TNS1: variants seen among roughly 807,000 people sequenced by gnomAD.
TNS1 encodes the protein tensin-1.
A neutral mutation model predicts 168.6 loss-of-function variants in TNS1; 62 were observed. The observed-to-expected ratio is 0.37, with a 90% confidence interval of 0.30 to 0.45. The LOEUF (loss-of-function observed/expected upper bound fraction) is 0.45. Among genes scored for constraint, TNS1 ranks in the 20% least tolerant of loss-of-function variants. The pLI is 1.00. For synonymous variants in TNS1, 934 were observed against 933.2 expected, an observed-to-expected ratio of 1.00 and a Z score of -0.02; for missense variants, 2,240 against 2,339.4, an observed-to-expected ratio of 0.96 and a Z score of 0.88.
At position 217,908,874 on chromosome 2, in the gene TNS1, C is replaced by T. The variant is rs185016700; in HGVS notation, c.229-1623G>A. ...CCACTATCCTCCCTGCTGCTAGGTA[C>T]ACCACCTTCTCTCCACTTGGAGTCC... On this transcript the variant is annotated intron_variant, in intron 4 of 32. Transcript: ENST00000682258. Among the ~76,000 whole-genome samples the T allele has an allele frequency of 2.7e-3, 415 of 152,264 alleles. 2 individuals carry two copies. The Middle Eastern group carries it at 0.037, about 14-fold the overall frequency.
chr2:218,024,544 G>A (rs750495402), intron 1 of TNS1, among the ~76,000 whole-genome samples: 1 of 152,172 alleles, frequency 6.6e-6, no homozygotes, highest in Non-Finnish European at 1.5e-5. Flanking sequence ...ACCTCCCACA[G>A]ATGGCCTCAG....
intron 4 of TNS1, among the ~76,000 whole-genome samples, chr2:217,919,656 C>A (rs1955516538): frequency 6.6e-6 from 1 of 152,342 alleles, no homozygotes; most frequent in South Asian, 2.1e-4. Flanking sequence ...GGATCCCACC[C>A]CAGTCCAGGC....
At chr2:218,001,505 G>A (rs1326334483) in intron 1 of TNS1, among the ~76,000 whole-genome samples, 3 of 152,032 alleles carry the variant, frequency 2.0e-5, no homozygotes, top group Admixed American at 6.5e-5. Flanking sequence ...ACCCCTGGAC[G>A]TCTACCTGCC....
intron 16 of TNS1, among the ~76,000 whole-genome samples, chr2:217,883,594 CG>C (rs1182809591): frequency 6.6e-6 from 1 of 152,186 alleles, no homozygotes; most frequent in Non-Finnish European, 1.5e-5. Context: ...TGTCAATTTT[CG>C]ATGGTATCTC....
intron 19 of TNS1, among the ~76,000 whole-genome samples, chr2:217,839,633 A>G (rs949423859): frequency 1.3e-5 from 2 of 152,212 alleles, no homozygotes; most frequent in Middle Eastern, 3.4e-3. Context: ...AGACCGATAC[A>G]TGTACTTTGG....
Position 217,803,382 on chromosome 2 carries a change from C to T in TNS1, c.*1077G>A, listed in dbSNP as rs989041749. ...ATAAGGCTGGTCCAGGGGCATGAAACCCAATAACAAGGCTGAGAGGTGGGA... is the reference window on the plus strand; with the variant it reads ...ATAAGGCTGGTCCAGGGGCATGAAATCCAATAACAAGGCTGAGAGGTGGGA... On this transcript the variant is annotated 3_prime_UTR_variant, in exon 33 of 33. Transcript: ENST00000682258. The T allele has an allele frequency of 6.6e-6, 1 of 152,340 alleles. No homozygotes were observed. The highest frequency in any genetic ancestry group is 1.5e-5 in the Non-Finnish European group (1 of 68,180). 9.4% of individuals were successfully genotyped at this position (152,340 alleles called of 1,614,324 possible).
intron 22 of TNS1, among the ~76,000 whole-genome samples, chr2:217,824,945 C>G (rs1943398141): frequency 6.6e-6 from 1 of 152,184 alleles, no homozygotes; most frequent in Non-Finnish European, 1.5e-5. Context: ...TGGCACACAG[C>G]AGGCCCTCAA....
upstream of TNS1, among the ~76,000 whole-genome samples, chr2:218,014,173 T>C (rs1245531017): frequency 1.3e-5 from 2 of 152,170 alleles, no homozygotes; most frequent in African/African-American, 4.8e-5. Flanking sequence ...GGAGAATCAC[T>C]TGGGCATCTG....
chr2:217,808,069 A>C lies in TNS1; in HGVS notation c.5375+6T>G. ...CTGCTGGGCAGGGGTAAGAAGTCAC[A>C]CTTACTTAGCAGGGGCACCACCCTC... On this transcript the variant is annotated splice_donor_region_variant and intron_variant, in intron 32 of 32. Transcript: ENST00000682258. The C allele has an allele frequency of 2.5e-6, 4 of 1,613,206 alleles. No homozygotes were observed. The highest frequency in any genetic ancestry group is 3.4e-6 in the Non-Finnish European group (4 of 1,179,978).
At chr2:217,931,758 A>G (rs143760412) in intron 3 of TNS1, among the ~76,000 whole-genome samples, 2 of 152,322 alleles carry the variant, frequency 1.3e-5, no homozygotes, top group African/African-American at 4.8e-5. Context: ...AGGGAAGGCT[A>G]CTTGAATTGT....
intron 32 of TNS1, among the ~76,000 whole-genome samples, chr2:217,805,343 C>G (rs1482437404): frequency 6.6e-6 from 1 of 151,812 alleles, no homozygotes; most frequent in East Asian, 1.9e-4. Flanking sequence ...GAAAACCCCT[C>G]TCCCTACCGC....
At chr2:217,926,825 G>A (rs1956053006) in intron 3 of TNS1, among the ~76,000 whole-genome samples, 1 of 152,222 alleles carries the variant, frequency 6.6e-6, no homozygotes, top group African/African-American at 2.4e-5. Flanking sequence ...ACCAGAGAAG[G>A]CACAGCTTCC....
chr2:217,918,237 A>G (rs1348332433), intron 4 of TNS1, among the ~76,000 whole-genome samples: 1 of 152,242 alleles, frequency 6.6e-6, no homozygotes, highest in Admixed American at 6.5e-5. Context: ...TCCATTATGA[A>G]GAAGAGAAAC....
At chr2:217,938,284 A>G (rs1284884855) in intron 3 of TNS1, among the ~76,000 whole-genome samples, 6 of 152,234 alleles carry the variant, frequency 3.9e-5, no homozygotes, top group Non-Finnish European at 8.8e-5. Context: ...TGGAGAATAC[A>G]GCTTGGCAGG....
intron 12 of TNS1, among the ~76,000 whole-genome samples, chr2:217,890,147 C>A (rs1319259752): frequency 6.6e-6 from 1 of 152,194 alleles, no homozygotes; most frequent in African/African-American, 2.4e-5. Flanking sequence ...CCTAGATCAT[C>A]ACACGATAGC....
intron 1 of TNS1, among the ~76,000 whole-genome samples, chr2:218,016,761 G>A (rs566859769): frequency 3.3e-5 from 5 of 152,296 alleles, no homozygotes; most frequent in African/African-American, 4.8e-5. Flanking sequence ...GAGACCTGGC[G>A]TCAAAGACTG....
Position 217,847,533 on chromosome 2 carries a change from C to T in TNS1, c.2984G>A (p.Gly995Glu). The change falls in exon 19 of 33, where the codon GGG becomes GAG. Residue 995 changes from glycine (G) to glutamate (E), a missense_variant. Gly to Glu is a moderately conservative substitution (Grantham distance 98, BLOSUM62 -2). This residue lies in a region of TNS1 where 2,131 missense variants were observed against 2,171.2 expected (regional missense o/e 0.98). Transcript: ENST00000682258. ...TPEEEPLNLE[G>E]LVAHRVAGVQ... ...ACCTGCTACCCTGTGGGCCACCAGCCCTTCTAAATTCAATGGCTCCTCCTC... is the reference window on the plus strand; with the variant it reads ...ACCTGCTACCCTGTGGGCCACCAGCTCTTCTAAATTCAATGGCTCCTCCTC... 1 of 1,468,420 alleles carries T rather than the reference C, an allele frequency of 6.8e-7. No homozygotes were observed. Among genetic ancestry groups the T allele is most frequent in the Non-Finnish European group, 9.1e-7 (1 of 1,103,096 alleles). The allele number at this position is 1,468,420 out of a possible 1,614,324, so 91.0% of individuals were successfully genotyped here.
chr2:217,928,943 C>T (rs973195979), intron 3 of TNS1, among the ~76,000 whole-genome samples: 1 of 152,190 alleles, frequency 6.6e-6, no homozygotes, highest in Admixed American at 6.5e-5. Flanking sequence ...CACCCACACA[C>T]AGAGCAGCTG....
At chr2:217,807,574 C>T (rs1939404537) in intron 32 of TNS1, among the ~76,000 whole-genome samples, 1 of 152,164 alleles carries the variant, frequency 6.6e-6, no homozygotes, top group African/African-American at 2.4e-5. Flanking sequence ...CTTGGAGGCC[C>T]CTAGGACATG....
Sources: gnomAD v4.1 joint callset for allele counts (sites outside exome capture counted in the v4.1 genomes callset) on GRCh38, gnomAD v4.1.1 for gene constraint, gnomAD v4.1.1 regional missense constraint, MANE v1.5 for transcripts, NCBI Gene and HGNC (gene_info 2026-07-23, HGNC 2026-07-21) for gene names.